SUCLG2: variants seen among roughly 807,000 people sequenced by gnomAD.
SUCLG2 encodes the protein succinate--CoA ligase [GDP-forming] subunit beta, mitochondrial.
A neutral mutation model predicts 47.9 loss-of-function variants in SUCLG2; 42 were observed. That is an observed-to-expected ratio of 0.88 (90% CI 0.69 to 1.14). The LOEUF is 1.14. Among genes scored for constraint, SUCLG2 ranks in the 50% most tolerant of loss-of-function variants. SUCLG2 has a pLI of 0.00. For synonymous variants in SUCLG2, 195 were observed against 197.3 expected, an observed-to-expected ratio of 0.99 and a Z score of 0.10; for missense variants, 571 against 525.9, an observed-to-expected ratio of 1.09 and a Z score of -0.84.
chr3:67,371,200 C>G (rs1162763798), downstream of SUCLG2, among the ~76,000 whole-genome samples: 2 of 151,996 alleles, frequency 1.3e-5, no homozygotes, highest in African/African-American at 4.8e-5. Context: ...TCTACAAACA[C>G]AAGGGAGGAA....
intron 9 of SUCLG2, among the ~76,000 whole-genome samples, chr3:67,414,321 C>T (rs1350827906): frequency 1.3e-5 from 2 of 152,192 alleles, no homozygotes; most frequent in African/African-American, 4.8e-5. Flanking sequence ...AATTCCATCC[C>T]AGTTTCATGT....
intron 9 of SUCLG2, among the ~76,000 whole-genome samples, chr3:67,456,960 G>T (rs540438010): frequency 6.6e-6 from 1 of 152,182 alleles, no homozygotes; most frequent in South Asian, 2.1e-4. Flanking sequence ...TGTAGTTTTT[G>T]AAAATTTTAA....
At chr3:67,644,262 A>G (rs1374545795) in intron 1 of SUCLG2, among the ~76,000 whole-genome samples, 1 of 152,262 alleles carries the variant, frequency 6.6e-6, no homozygotes, top group Admixed American at 6.5e-5. Flanking sequence ...GGATTAAAAA[A>G]AAGATATATA....
Position 67,537,196 on chromosome 3 carries a change from C to T in SUCLG2, c.227-8010G>A, listed in dbSNP as rs182042225. ...CTCCTAATTTTCTGTTATTTAAATC[C>T]GTTCCCCTCTCAGACCCTCCCCTAC... On this transcript the variant is annotated intron_variant, in intron 2 of 10. Coordinates refer to ENST00000307227, the MANE Select transcript of SUCLG2 (RefSeq NM_003848.4). Among the ~76,000 whole-genome samples, 383 of 151,432 alleles carry T rather than the reference C, an allele frequency of 2.5e-3. 2 individuals are homozygous for T. Among genetic ancestry groups the T allele is most frequent in the Non-Finnish European group, 4.4e-3 (301 of 67,908 alleles).
rs567565266 is a variant in SUCLG2, at chr3:67,362,871, G to A, written c.1184-2103C>T. Reference sequence around the variant, plus strand: ...TCAGTGACTCATAGATGCAGCTATGGAGTAGTCCAGCCTGCTTGCCTCTGA... The same window carrying A: ...TCAGTGACTCATAGATGCAGCTATGAAGTAGTCCAGCCTGCTTGCCTCTGA... On this transcript the variant is annotated intron_variant, in intron 10 of 10. Transcript: ENST00000493112. Among the ~76,000 whole-genome samples the A allele has an allele frequency of 7.9e-5, 12 of 152,224 alleles. No individual in the cohort carries two copies. In the South Asian group the frequency reaches 2.5e-3, roughly 32 times the overall value.
intron 9 of SUCLG2, among the ~76,000 whole-genome samples, chr3:67,446,473 C>T (rs13059103): frequency 0.51 from 64,214 of 125,988 alleles, 16,367 homozygotes; most frequent in Middle Eastern, 0.61. Context: ...CTCTGTCACT[C>T]AGGCTGGAAT....
chr3:67,485,086 T>C (rs942246834), intron 9 of SUCLG2, among the ~76,000 whole-genome samples: 2 of 152,122 alleles, frequency 1.3e-5, no homozygotes, highest in African/African-American at 2.4e-5. Flanking sequence ...ACTCGGAAGG[T>C]GCATTCAGCC....
In SUCLG2 at chr3:67,360,842, T is replaced by C. The variant is rs367880114; in HGVS notation, c.1184-74A>G. The C allele has an allele frequency of 3.2e-5, 39 of 1,212,718 alleles. 1 individual carries two copies. The highest frequency in any genetic ancestry group is 2.7e-4 in the South Asian group (15 of 54,846). The allele number at this position is 1,212,718 out of a possible 1,614,324, so 75.1% of individuals were successfully genotyped here. A position where few individuals can be genotyped will look rare whatever the true frequency, so the allele number is the denominator to read the frequency against. On this transcript the variant is annotated intron_variant, in intron 10 of 10. Transcript: ENST00000493112. ...TTAGATGAACAACAACAGTATGGTA[T>C]TCCTAAGATCCTGTTACTCCTATTC...
intron 1 of SUCLG2, among the ~76,000 whole-genome samples, chr3:67,647,956 G>T (rs1701219946): frequency 6.6e-6 from 1 of 152,208 alleles, no homozygotes; most frequent in African/African-American, 2.4e-5. Flanking sequence ...AATGCTTACT[G>T]AATCTGGGAA....
intron 6 of SUCLG2, among the ~76,000 whole-genome samples, chr3:67,509,673 C>A (rs2107100409): frequency 6.6e-6 from 1 of 152,264 alleles, no homozygotes; most frequent in South Asian, 2.1e-4. Context: ...CTGGAAAGCT[C>A]CTGGCAATAA....
rs1190399556 is a variant in SUCLG2 at position 67,409,177 on chromosome 3, G to A, written c.1063-8326C>T. 3 of 903,566 alleles carry A rather than the reference G, an allele frequency of 3.3e-6. No homozygotes were observed. In the African/African-American group the frequency reaches 5.1e-5, roughly 15 times the overall value. 56.0% of individuals were successfully genotyped at this position (903,566 alleles called of 1,614,324 possible). On this transcript the variant is annotated intron_variant, in intron 9 of 10. Coordinates refer to ENST00000307227, the MANE Select transcript of SUCLG2 (RefSeq NM_003848.4). ...TGGTTTTGGCATTTCCTAGTTAGATGGGGCTGGGGAGGGGTCATGAAGGTA... is the reference window on the plus strand; with the variant it reads ...TGGTTTTGGCATTTCCTAGTTAGATAGGGCTGGGGAGGGGTCATGAAGGTA...
chr3:67,531,338 T>TGG (rs1706398998), intron 2 of SUCLG2, among the ~76,000 whole-genome samples: 1 of 152,196 alleles, frequency 6.6e-6, no homozygotes, highest in Non-Finnish European at 1.5e-5. Context: ...ATTTTTCATA[T>TGG]CCTTGTCATC....
At chr3:67,478,158 G>A (rs770879780) in intron 9 of SUCLG2, among the ~76,000 whole-genome samples, 5 of 152,150 alleles carry the variant, frequency 3.3e-5, no homozygotes, top group Non-Finnish European at 7.3e-5. Flanking sequence ...ATGCCTGGCC[G>A]GTGGGAGAGG....
chr3:67,624,438 C>A (rs1051632131), intron 1 of SUCLG2, among the ~76,000 whole-genome samples: 13 of 152,312 alleles, frequency 8.5e-5, no homozygotes, highest in African/African-American at 3.1e-4. Context: ...AAAACTTGAT[C>A]TTAGATGCTT....
In SUCLG2 at chr3:67,375,830, G is replaced by T; in HGVS notation, c.1213C>A (p.Leu405Ile). Residue 405 changes from leucine to isoleucine, a missense_variant, in exon 11 of 11, where the codon CTC becomes ATC. Coordinates refer to ENST00000307227, the MANE Select transcript of SUCLG2 (RefSeq NM_003848.4). ...GTNVQEAQKILNNSGLPITSA... is the reference protein window; with the variant it reads ...GTNVQEAQKIINNSGLPITSA... The stretch of plus-strand genomic sequence containing the variant: ...GTAATGGGGAGTCCGCTGTTGTTGA[G>T]TATCTTCTGGGCCTCTTGGACGTTG... 1 of 1,613,908 alleles carries T rather than the reference G, an allele frequency of 6.2e-7. No individual in the cohort carries two copies. Among genetic ancestry groups the T allele is most frequent in the Non-Finnish European group, 8.5e-7 (1 of 1,179,902 alleles).
chr3:67,497,135 T>C (rs1705367220), intron 8 of SUCLG2, among the ~76,000 whole-genome samples: 1 of 152,204 alleles, frequency 6.6e-6, no homozygotes, highest in South Asian at 2.1e-4. Flanking sequence ...AGTGATCTGG[T>C]ACATTATAGT....
At chr3:67,611,965 T>C (rs1379272841) in intron 1 of SUCLG2, among the ~76,000 whole-genome samples, 5 of 152,196 alleles carry the variant, frequency 3.3e-5, no homozygotes, top group African/African-American at 9.7e-5. Flanking sequence ...AAAGGAATTC[T>C]TTTACAGAAT....
intron 9 of SUCLG2, among the ~76,000 whole-genome samples, chr3:67,469,421 A>G (rs1246318410): frequency 6.6e-6 from 1 of 152,208 alleles, no homozygotes; most frequent in Non-Finnish European, 1.5e-5. Context: ...GTTCTTAGCT[A>G]TACTTTATTT....
chr3:67,443,824 C>T lies in SUCLG2; in HGVS notation c.1063-42973G>A, dbSNP rs1236917209. On this transcript the variant is annotated intron_variant, in intron 9 of 10. Transcript: ENST00000307227. ...GAGACCCTCTGCCTGGCAACCACTCCGTCTGAGAAGTGAGGAGCCCCTCCG... is the reference window on the plus strand; with the variant it reads ...GAGACCCTCTGCCTGGCAACCACTCTGTCTGAGAAGTGAGGAGCCCCTCCG... Among the ~76,000 whole-genome samples the T allele has an allele frequency of 1.1e-4, 9 of 82,648 alleles. 3 individuals carry two copies. Among genetic ancestry groups the T allele is most frequent in the South Asian group, 1.2e-3 (2 of 1,662 alleles). The allele number at this position is 82,648 out of a possible 152,430, so 54.2% of individuals were successfully genotyped here.
Sources: allele counts gnomAD v4.1 joint callset (sites outside exome capture counted in the v4.1 genomes callset), GRCh38; gene constraint gnomAD v4.1.1; transcripts MANE v1.5; gene names NCBI Gene and HGNC (gene_info 2026-07-23, HGNC 2026-07-21).